Variants in DGKI observed in about 807,000 individuals in gnomAD.
DGKI encodes the protein DAG kinase iota.
In DGKI, 55 loss-of-function variants were observed where a neutral mutation model predicts 147.5. The ratio of observed to expected loss-of-function variants is 0.37; its 90% CI spans 0.30 to 0.47. The LOEUF (loss-of-function observed/expected upper bound fraction) is 0.47. Among genes scored for constraint, DGKI ranks in the 20% least tolerant of loss-of-function variants. DGKI has a pLI of 1.00. For synonymous variants in DGKI, 469 were observed against 477.1 expected, an observed-to-expected ratio of 0.98 and a Z score of 0.22; for missense variants, 1,007 against 1,323.8, an observed-to-expected ratio of 0.76 and a Z score of 3.71.
At chr7:137,768,479 A>G (rs1244519055) in intron 1 of DGKI, among the ~76,000 whole-genome samples, 5 of 152,214 alleles carry the variant, frequency 3.3e-5, no homozygotes, top group African/African-American at 4.8e-5. Flanking sequence ...GGATGACAAG[A>G]GACGACTCTC....
chr7:137,708,279 C>G (rs2116549913), intron 1 of DGKI, among the ~76,000 whole-genome samples: 1 of 152,342 alleles, frequency 6.6e-6, no homozygotes, highest in South Asian at 2.1e-4. Flanking sequence ...CTCTTAGTGG[C>G]AGATTTAGAG....
intron 2 of DGKI, among the ~76,000 whole-genome samples, chr7:137,686,758 T>C (rs1823432901): frequency 6.6e-6 from 1 of 152,202 alleles, no homozygotes; most frequent in Non-Finnish European, 1.5e-5. Flanking sequence ...AGTGCTCACC[T>C]GTATCTCAGG....
chr7:137,553,260 T>C (rs1276548482), intron 19 of DGKI, among the ~76,000 whole-genome samples: 2 of 152,262 alleles, frequency 1.3e-5, no homozygotes, highest in African/African-American at 4.8e-5. Context: ...AACCTCTAAA[T>C]TGTATTTATC....
intron 14 of DGKI, among the ~76,000 whole-genome samples, chr7:137,584,595 T>C (rs1563097820): frequency 1.3e-5 from 2 of 152,334 alleles, no homozygotes; most frequent in African/African-American, 4.8e-5. Context: ...TTGGTTAACA[T>C]GCTCACTATC....
At chr7:137,657,693 T>C (rs1191477825) in intron 3 of DGKI, among the ~76,000 whole-genome samples, 3 of 152,196 alleles carry the variant, frequency 2.0e-5, no homozygotes, top group African/African-American at 4.8e-5. Context: ...CTCTTAGAGA[T>C]TGCTGGCAAC....
At chr7:137,760,864 T>C (rs1044036390) in intron 1 of DGKI, among the ~76,000 whole-genome samples, 1 of 152,152 alleles carries the variant, frequency 6.6e-6, no homozygotes, top group African/African-American at 2.4e-5. Context: ...TTCCTTCCAG[T>C]CCAGAGGGAC....
intron 1 of DGKI, among the ~76,000 whole-genome samples, chr7:137,822,644 T>G (rs563206727): frequency 3.3e-4 from 50 of 152,122 alleles, no homozygotes; most frequent in African/African-American, 1.2e-3. Context: ...CATCAGACAT[T>G]TGAACAGCCT....
chr7:137,544,628 A>G (rs139049083), intron 20 of DGKI, among the ~76,000 whole-genome samples: 15 of 152,324 alleles, frequency 9.8e-5, no homozygotes, highest in African/African-American at 3.6e-4. Flanking sequence ...TTTGTCATAC[A>G]TATCACCAGA....
chr7:137,842,058 T>C (rs555755853), intron 1 of DGKI, among the ~76,000 whole-genome samples: 98 of 152,330 alleles, frequency 6.4e-4, no homozygotes, highest in Non-Finnish European at 8.5e-4. Context: ...AGTATGTAAG[T>C]CATTACTGAG....
At chr7:137,422,906 G>A (rs918103484) in intron 28 of DGKI, among the ~76,000 whole-genome samples, 22 of 152,090 alleles carry the variant, frequency 1.4e-4, no homozygotes, top group African/African-American at 5.3e-4. Flanking sequence ...GCCCACCCTT[G>A]TAAAGCATTT....
intron 32 of DGKI, 52 bp from the exon 33 acceptor site, chr7:137,391,388 C>T (rs764274134): frequency 3.5e-5 from 45 of 1,281,038 alleles, no homozygotes; most frequent in South Asian, 3.4e-4. Flanking sequence ...TAGACACAAG[C>T]GCTAGTCGTG....
rs78846733 is a variant in DGKI, at chr7:137,469,980, A to G, written c.2374-361T>C. Among the ~76,000 whole-genome samples, 479 of 152,322 alleles carry G rather than the reference A, an allele frequency of 3.1e-3. 6 individuals carry two copies. The highest frequency in any genetic ancestry group is 0.011 in the African/African-American group (457 of 41,574). ...CTGGCTGTCATTGACACATAGGTCT[A>G]AGGCGCTGGCACAGAATGGGAATGA... On this transcript the variant is annotated intron_variant, in intron 23 of 32. Coordinates refer to ENST00000614521, the MANE Select transcript of DGKI (RefSeq NM_001321708.2).
intron 1 of DGKI, among the ~76,000 whole-genome samples, chr7:137,736,993 A>G (rs1795041352): frequency 6.6e-6 from 1 of 152,084 alleles, no homozygotes; most frequent in Non-Finnish European, 1.5e-5. Context: ...AGTTTGGGCA[A>G]TCTTTGAACT....
At chr7:137,788,888 A>C (rs571730165) in intron 1 of DGKI, among the ~76,000 whole-genome samples, 34 of 152,342 alleles carry the variant, frequency 2.2e-4, no homozygotes, top group African/African-American at 7.9e-4. Context: ...GCTGCCCAAC[A>C]AAACAAAATG....
At chr7:137,547,318 G>C (rs964679962) in intron 20 of DGKI, among the ~76,000 whole-genome samples, 2 of 152,152 alleles carry the variant, frequency 1.3e-5, no homozygotes, top group Admixed American at 1.3e-4. Flanking sequence ...TTTAGTTTGT[G>C]TATAATAATA....
intron 8 of DGKI, among the ~76,000 whole-genome samples, chr7:137,617,124 CAAAAAAAAAAAA>C (rs60654879): frequency 0.06 from 2,912 of 48,302 alleles, 124 homozygotes; most frequent in African/African-American, 0.14. Flanking sequence ...TCCCTTTTAC[CAAAAAAAAAAAA>C]AAAAAAAAAA....
intron 28 of DGKI, among the ~76,000 whole-genome samples, chr7:137,441,383 T>A (rs1311154059): frequency 7.5e-6 from 1 of 133,974 alleles, no homozygotes; most frequent in East Asian, 2.3e-4. Context: ...ATCGTGCCAC[T>A]GCACTCCAGC....
At position 137,412,200 on chromosome 7, in the gene DGKI, C is replaced by G. The variant is rs1349605993; in HGVS notation, c.2769G>C (p.Leu923Phe). The G allele has an allele frequency of 6.2e-7, 1 of 1,613,746 alleles. No individual in the cohort carries two copies. Among genetic ancestry groups the G allele is most frequent in the Non-Finnish European group, 8.5e-7 (1 of 1,179,704 alleles). The change falls in exon 29 of 33, where the codon TTG (leucine) becomes TTC (phenylalanine). Residue 923 changes from leucine to phenylalanine, a missense_variant. Transcript: ENST00000614521. ...TAAGATCACCAGCTATTACTGCCTGCAAAATTGCTGTGAAAGACAAAAGAG... is the reference window on the plus strand; with the variant it reads ...TAAGATCACCAGCTATTACTGCCTGGAAAATTGCTGTGAAAGACAAAAGAG... Reference protein sequence around the residue: ...SPVSSEDHAILQAVIAGDLMK... With the variant: ...SPVSSEDHAIFQAVIAGDLMK...
chr7:137,400,894 A>C (rs2128895727), intron 30 of DGKI, among the ~76,000 whole-genome samples: 1 of 152,358 alleles, frequency 6.6e-6, no homozygotes, highest in Non-Finnish European at 1.5e-5. Context: ...AAGAGGCAAA[A>C]GTAGCAGCCA....
Sources: gnomAD v4.1 joint callset for allele counts (sites outside exome capture counted in the v4.1 genomes callset) on GRCh38, gnomAD v4.1.1 for gene constraint, MANE v1.5 for transcripts, NCBI Gene and HGNC (gene_info 2026-07-23, HGNC 2026-07-21) for gene names.